Variants in XRN1 observed in about 807,000 individuals in gnomAD.
XRN1 encodes the protein 5'-3' exoribonuclease 1.
A neutral mutation model predicts 222.3 loss-of-function variants in XRN1; 67 were observed. The ratio of observed to expected loss-of-function variants is 0.30; its 90% CI spans 0.25 to 0.37. The LOEUF (loss-of-function observed/expected upper bound fraction) is 0.37, where lower values mean the gene tolerates loss of function less well. Among genes scored for constraint, XRN1 ranks in the 10% least tolerant of loss-of-function variants. The probability of loss-of-function intolerance (pLI) is 1.00; values close to 1 mark genes in which losing one functional copy is unlikely to be tolerated. For missense variants in XRN1, 1,707 were observed against 2,000.2 expected, an observed-to-expected ratio of 0.85 and a Z score of 2.80; for synonymous variants, 643 against 652.4, an observed-to-expected ratio of 0.99 and a Z score of 0.22.
rs1365826015 is a variant in XRN1 at position 142,353,458 on chromosome 3, G to T, written c.3768+1943C>A. Among the ~76,000 whole-genome samples, 7 of 152,106 alleles carry T rather than the reference G, an allele frequency of 4.6e-5. No homozygotes were observed. In the East Asian group the frequency reaches 1.3e-3, roughly 29 times the overall value. Reference sequence around the variant, plus strand: ...ACCATGTATCTGCCATGTAACAAAAGTAGCATGGTACTGGTACAAAAACAG... The same window carrying T: ...ACCATGTATCTGCCATGTAACAAAATTAGCATGGTACTGGTACAAAAACAG... On this transcript the variant is annotated intron_variant, in intron 32 of 40. Coordinates refer to ENST00000392981, the MANE Select transcript of XRN1 (RefSeq NM_001282857.2).
chr3:142,396,878 A>G (rs1295573385), intron 20 of XRN1, among the ~76,000 whole-genome samples: 5 of 152,128 alleles, frequency 3.3e-5, no homozygotes, highest in Non-Finnish European at 7.4e-5. Flanking sequence ...GTGGGTTAGC[A>G]TTTCAGTTTG....
chr3:142,393,099 G>A (rs1262186108), intron 20 of XRN1, among the ~76,000 whole-genome samples: 193 of 151,070 alleles, frequency 1.3e-3, no homozygotes, highest in Admixed American at 2.2e-3. Flanking sequence ...TTTTTCATGT[G>A]TTTTTTGGCT....
rs2067536254 is a variant in XRN1, at chr3:142,387,202, A to C, written c.2340-2517T>G. Among the ~76,000 whole-genome samples the C allele has an allele frequency of 2.6e-5, 4 of 152,338 alleles. No individual in the cohort carries two copies. The South Asian group carries it at 8.3e-4, about 32-fold the overall frequency. The stretch of plus-strand genomic sequence containing the variant: ...AGAATCACAATACTGACCAAAAGAA[A>C]TCAGGCTCAAGAAGAATACACTCTG... On this transcript the variant is annotated intron_variant, in intron 20 of 40. Coordinates refer to ENST00000392981, the MANE Select transcript of XRN1 (RefSeq NM_001282857.2).
At chr3:142,394,548 G>T (rs952584803) in intron 20 of XRN1, among the ~76,000 whole-genome samples, 1 of 152,100 alleles carries the variant, frequency 6.6e-6, no homozygotes, top group African/African-American at 2.4e-5. Flanking sequence ...GCTAAACTCA[G>T]CATCTGCTTT....
chr3:142,384,549 G>A lies in XRN1; in HGVS notation c.2476C>T (p.Pro826Ser), dbSNP rs776208621. The A allele has an allele frequency of 1.2e-6, 2 of 1,610,812 alleles. No individual in the cohort carries two copies. The highest frequency in any genetic ancestry group is 1.7e-5 in the Admixed American group (1 of 59,496). ...LEKQWSKQVV[P>S]FVYQTIVKDI... ...TTGACAATAGTTTGATAAACAAAAG[G>A]AACAACTTGTTTTGACCACTGTTTC... Residue 826 changes from proline to serine, a missense_variant, in exon 21 of 41, where the codon CCT (proline) becomes TCT (serine). Pro to Ser is a moderately conservative substitution (Grantham distance 74, BLOSUM62 -1). Transcript: ENST00000392981.
At chr3:142,395,523 C>G (rs1314132611) in intron 20 of XRN1, among the ~76,000 whole-genome samples, 1 of 152,164 alleles carries the variant, frequency 6.6e-6, no homozygotes, top group Non-Finnish European at 1.5e-5. Context: ...AGGGGAACAA[C>G]AGATAAGAGG....
intron 23 of XRN1, among the ~76,000 whole-genome samples, chr3:142,378,088 A>T (rs968973255): frequency 2.0e-5 from 3 of 152,250 alleles, no homozygotes; most frequent in Admixed American, 2.0e-4. Flanking sequence ...AAGGCTAAGT[A>T]GCAATAGCTG....
intron 33 of XRN1, among the ~76,000 whole-genome samples, chr3:142,339,241 C>T (rs978941709): frequency 1.3e-5 from 2 of 152,092 alleles, no homozygotes; most frequent in Admixed American, 1.3e-4. Context: ...GAAAGAGATA[C>T]CCCATTTGTT....
chr3:142,394,698 A>G (rs1186021266), intron 20 of XRN1, among the ~76,000 whole-genome samples: 1 of 152,242 alleles, frequency 6.6e-6, no homozygotes, highest in African/African-American at 2.4e-5. Context: ...CTTCCATCTT[A>G]GAATTTATTG....
chr3:142,406,232 T>C (rs1279652936), intron 15 of XRN1, among the ~76,000 whole-genome samples: 1 of 152,156 alleles, frequency 6.6e-6, no homozygotes, highest in East Asian at 1.9e-4. Context: ...TTGACAAGGT[T>C]GCCAAGAACA....
chr3:142,403,029 C>T (rs1029729214), intron 18 of XRN1, among the ~76,000 whole-genome samples: 52 of 152,106 alleles, frequency 3.4e-4, no homozygotes, highest in Non-Finnish European at 6.3e-4. Flanking sequence ...TATTATACTG[C>T]CACCAAATTA....
intron 39 of XRN1, among the ~76,000 whole-genome samples, chr3:142,318,263 T>C (rs1553850855): frequency 6.6e-6 from 1 of 151,944 alleles, no homozygotes; most frequent in Admixed American, 6.6e-5. Context: ...ATTTTGGACA[T>C]AGTCTACTAC....
At chr3:142,392,408 A>C (rs1010056815) in intron 20 of XRN1, among the ~76,000 whole-genome samples, 6 of 151,614 alleles carry the variant, frequency 4.0e-5, no homozygotes, top group Non-Finnish European at 8.8e-5. Context: ...TACATATGCC[A>C]TGCTGGTGCG....
At chr3:142,335,881 C>G (rs1400840934) in intron 33 of XRN1, among the ~76,000 whole-genome samples, 1 of 152,166 alleles carries the variant, frequency 6.6e-6, no homozygotes, top group Non-Finnish European at 1.5e-5. Context: ...GAGCCATAAT[C>G]TGCAAGTCAC....
At chr3:142,351,371 A>G (rs1024264026) in intron 32 of XRN1, among the ~76,000 whole-genome samples, 1 of 152,298 alleles carries the variant, frequency 6.6e-6, no homozygotes, top group East Asian at 1.9e-4. Flanking sequence ...TGAGTGATCA[A>G]CTGTATGAAA....
At chr3:142,443,760 T>A (rs907821772) in intron 1 of XRN1, among the ~76,000 whole-genome samples, 1 of 152,284 alleles carries the variant, frequency 6.6e-6, no homozygotes, top group African/African-American at 2.4e-5. Context: ...GAAATCAGTA[T>A]ATCGCAGATA....
At position 142,447,724 on chromosome 3, in the gene XRN1, C is replaced by G; in HGVS notation, c.75+146G>C. 1 of 997,486 alleles carries G rather than the reference C, an allele frequency of 1.0e-6. No individual in the cohort carries two copies. Among genetic ancestry groups the G allele is most frequent in the South Asian group, 1.5e-5 (1 of 65,174 alleles). The allele number at this position is 997,486 out of a possible 1,614,324, so 61.8% of individuals were successfully genotyped here. On this transcript the variant is annotated intron_variant, in intron 1 of 40. Transcript: ENST00000392981. The surrounding 1 kb of genome is among the most constrained non-coding windows in gnomAD (Gnocchi z 4.2). The stretch of plus-strand genomic sequence containing the variant: ...CCCTTTCGGCTCATCCGGGCGTCCT[C>G]AAACCTTCCGTCCCCCTCCCTAATG...
intron 34 of XRN1, 47 bp from the exon 35 acceptor site, chr3:142,333,136 G>A: frequency 6.4e-7 from 1 of 1,567,062 alleles, no homozygotes; most frequent in Non-Finnish European, 8.6e-7. Flanking sequence ...TATAATACAA[G>A]AACACACAAA....
chr3:142,334,678 T>C (rs1406643246), intron 34 of XRN1, among the ~76,000 whole-genome samples: 1 of 125,728 alleles, frequency 8.0e-6, no homozygotes, highest in African/African-American at 2.8e-5. Flanking sequence ...TGTCTATGTG[T>C]ATATATATAA....
Sources: allele counts gnomAD v4.1 joint callset (sites outside exome capture counted in the v4.1 genomes callset), GRCh38; gene constraint gnomAD v4.1.1; non-coding constraint Gnocchi (gnomAD v3.1); transcripts MANE v1.5; gene names NCBI Gene and HGNC (gene_info 2026-07-23, HGNC 2026-07-21).